Variants in ASXL3 observed in about 807,000 individuals in gnomAD.
ASXL3 encodes the protein putative Polycomb group protein ASXL3.
In ASXL3, 34 loss-of-function variants were observed where a neutral mutation model predicts 170.6. The observed-to-expected ratio is 0.20, with a 90% confidence interval of 0.15 to 0.27. The LOEUF (loss-of-function observed/expected upper bound fraction) is 0.27, where lower values mean the gene tolerates loss of function less well. ASXL3 is among the 10% of genes least tolerant of loss of function. The pLI, the probability that ASXL3 is intolerant of heterozygous loss-of-function variation, is 1.00. For missense variants in ASXL3, 2,592 were observed against 2,695.3 expected (o/e 0.96, Z 0.85); for synonymous variants, 1,002 against 989.1 (o/e 1.01, Z -0.24).
At chr18:33,732,495 C>G (rs2067468555) in intron 9 of ASXL3, among the ~76,000 whole-genome samples, 1 of 152,118 alleles carries the variant, frequency 6.6e-6, no homozygotes, top group Non-Finnish European at 1.5e-5. Context: ...TATTTTTCCT[C>G]TTTACACACT....
intron 8 of ASXL3, among the ~76,000 whole-genome samples, chr18:33,686,582 G>A (rs2066600988): frequency 6.6e-6 from 1 of 152,174 alleles, no homozygotes; most frequent in Admixed American, 6.5e-5. Flanking sequence ...CAAAGGAAAG[G>A]CATGCCATTT....
At position 33,584,374 on chromosome 18, in the gene ASXL3, A is replaced by T. The variant is rs146660298; in HGVS notation, c.54+5689A>T. Among the ~76,000 whole-genome samples the T allele has an allele frequency of 4.4e-4, 67 of 152,236 alleles. No homozygotes were observed. The East Asian group carries it at 0.012, about 27-fold the overall frequency. ...GTTTTACTATGGGGCTGTTGTAGTT[A>T]GGTGGTAATAGAAAGGGAATTAAAG... On this transcript the variant is annotated intron_variant, in intron 1 of 11. Coordinates refer to ENST00000269197, the MANE Select transcript of ASXL3 (RefSeq NM_030632.3).
At chr18:33,714,188 T>C (rs2067127055) in intron 8 of ASXL3, among the ~76,000 whole-genome samples, 1 of 152,212 alleles carries the variant, frequency 6.6e-6, no homozygotes, top group African/African-American at 2.4e-5. Context: ...CTCCTGGATG[T>C]CGTCACTTTT....
chr18:33,588,842 C>T (rs141612010), intron 1 of ASXL3, among the ~76,000 whole-genome samples: 44 of 152,212 alleles, frequency 2.9e-4, no homozygotes, highest in African/African-American at 1.1e-3. Context: ...CAAGTCTTCT[C>T]CTCCTTTCTT....
chr18:33,640,826 G>A (rs2065835341), intron 2 of ASXL3, among the ~76,000 whole-genome samples: 1 of 144,744 alleles, frequency 6.9e-6, no homozygotes, highest in South Asian at 2.3e-4. Context: ...AACTAATTAT[G>A]GTGTTTAATA....
chr18:33,734,044 T>TGCTTTAGCATTCTTCTAAAGGATTTA (rs1568356015), intron 9 of ASXL3, among the ~76,000 whole-genome samples: 1 of 84,932 alleles, frequency 1.2e-5, no homozygotes, highest in Non-Finnish European at 2.2e-5. Flanking sequence ...ATTTGCTAAA[T>TGCTTTAGCATTCTTCTAAAGGATTTA]GCTTTAGCAT....
chr18:33,721,149 C>T (rs939970184), intron 8 of ASXL3, among the ~76,000 whole-genome samples: 2 of 151,896 alleles, frequency 1.3e-5, no homozygotes, highest in African/African-American at 2.4e-5. Context: ...TAATTGGAGC[C>T]TAAGAAATTG....
chr18:33,629,164 A>G (rs1219257591), intron 2 of ASXL3, among the ~76,000 whole-genome samples: 2 of 152,272 alleles, frequency 1.3e-5, no homozygotes, highest in East Asian at 3.9e-4. Flanking sequence ...GCTATATTTT[A>G]TCTACTATCA....
intron 1 of ASXL3, among the ~76,000 whole-genome samples, chr18:33,587,126 G>A (rs2065040981): frequency 6.6e-6 from 1 of 152,034 alleles, no homozygotes; most frequent in Non-Finnish European, 1.5e-5. Flanking sequence ...TGTTTAAAAC[G>A]TTTGTGATTA....
chr18:33,653,764 C>A (rs1322606572), intron 4 of ASXL3, among the ~76,000 whole-genome samples: 1 of 151,966 alleles, frequency 6.6e-6, no homozygotes, highest in Non-Finnish European at 1.5e-5. Context: ...ATCGCACAGT[C>A]CCCCTTATAC....
intron 2 of ASXL3, among the ~76,000 whole-genome samples, chr18:33,612,253 ATATT>A (rs1367843189): frequency 6.6e-6 from 1 of 152,032 alleles, no homozygotes; most frequent in Non-Finnish European, 1.5e-5. Flanking sequence ...AAGCAAGACA[ATATT>A]TATGAGGTAC....
intron 1 of ASXL3, among the ~76,000 whole-genome samples, chr18:33,603,796 T>A (rs1022595829): frequency 6.6e-6 from 1 of 152,042 alleles, no homozygotes; most frequent in Non-Finnish European, 1.5e-5. Context: ...TCTCAGAGAT[T>A]GAGTGAAGTA....
At chr18:33,710,604 T>G (rs779184959) in intron 8 of ASXL3, among the ~76,000 whole-genome samples, 8 of 152,238 alleles carry the variant, frequency 5.3e-5, no homozygotes, top group Non-Finnish European at 1.0e-4. Context: ...ATTGTCTTTC[T>G]AGGCACTCTT....
chr18:33,646,373 A>G lies in ASXL3; in HGVS notation c.355+20A>G. The G allele has an allele frequency of 3.3e-6, 5 of 1,536,432 alleles. No homozygotes were observed. Among genetic ancestry groups the G allele is most frequent in the Middle Eastern group, 1.7e-4 (1 of 5,902 alleles). ...ATGGAGGTAAGTGTGATGAATTCCA[A>G]AATATAATCCCTTGTTCTCTTAAAA... On this transcript the variant is annotated intron_variant, in intron 4 of 11. Coordinates refer to ENST00000269197, the MANE Select transcript of ASXL3 (RefSeq NM_030632.3).
At chr18:33,715,150 G>C (rs1026357117) in intron 8 of ASXL3, among the ~76,000 whole-genome samples, 1 of 152,182 alleles carries the variant, frequency 6.6e-6, no homozygotes, top group Non-Finnish European at 1.5e-5. Flanking sequence ...TTCTCAAAGT[G>C]TCATTGTGTC....
In ASXL3 at chr18:33,735,313, G is replaced by A. The variant is rs530889093; in HGVS notation, c.1082+898G>A. Among the ~76,000 whole-genome samples the A allele has an allele frequency of 2.1e-3, 321 of 152,326 alleles. 3 individuals carry two copies. The highest frequency in any genetic ancestry group is 0.015 in the South Asian group (73 of 4,818). On this transcript the variant is annotated intron_variant, in intron 10 of 11. Transcript: ENST00000269197. ...GAGAGCTCTTCATGTAAAGAAATTA[G>A]ATAATTAACAGACTGCTTGGAATAG...
At chr18:33,706,599 A>T (rs896853640) in intron 8 of ASXL3, among the ~76,000 whole-genome samples, 4 of 151,808 alleles carry the variant, frequency 2.6e-5, no homozygotes, top group African/African-American at 9.7e-5. Context: ...GTTAAGCAAC[A>T]CTTGACACAT....
chr18:33,719,642 A>G (rs1055241655), intron 8 of ASXL3, among the ~76,000 whole-genome samples: 1 of 151,922 alleles, frequency 6.6e-6, no homozygotes, highest in Non-Finnish European at 1.5e-5. Context: ...TCCCATAGTG[A>G]TGTTACTAGA....
At chr18:33,712,189 T>G (rs1204670754) in intron 8 of ASXL3, among the ~76,000 whole-genome samples, 1 of 152,184 alleles carries the variant, frequency 6.6e-6, no homozygotes, top group East Asian at 1.9e-4. Flanking sequence ...TTTTGGCTGT[T>G]TGTTTTCCAC....
Sources: allele counts gnomAD v4.1 joint callset (sites outside exome capture counted in the v4.1 genomes callset), GRCh38; gene constraint gnomAD v4.1.1; transcripts MANE v1.5; gene names NCBI Gene and HGNC (gene_info 2026-07-23, HGNC 2026-07-21).